G6PC2: variants seen among roughly 807,000 people sequenced by gnomAD.
G6PC2 encodes glucose-6-phosphatase 2.
G6PC2 carries 41 observed loss-of-function variants against 35.4 expected under a neutral mutation model. The ratio of observed to expected loss-of-function variants is 1.16; its 90% CI spans 0.90 to 1.50. The LOEUF (loss-of-function observed/expected upper bound fraction) is 1.50, where lower values mean the gene tolerates loss of function less well. Among genes scored for constraint, G6PC2 ranks in the 40% most tolerant of loss-of-function variants. G6PC2 has a pLI of 0.00. For synonymous variants in G6PC2, 165 were observed against 153.2 expected (o/e 1.08, Z -0.57); for missense variants, 441 against 426.5 (o/e 1.03, Z -0.30).
intron 4 of G6PC2, 56 bp from the exon 5 acceptor site, chr2:168,907,512 T>A: frequency 6.6e-7 from 1 of 1,525,190 alleles, no homozygotes; most frequent in Non-Finnish European, 9.1e-7. Flanking sequence ...AGAGGAATGA[T>A]CCTCGAGGGG....
In G6PC2 at chr2:168,908,136, A is replaced by G; in HGVS notation, c.*57A>G. ...AGATCACCCTTCTCCATCCACCAGTAGAGCCACAGAGTAGGCACAGACCAG... is the reference window on the plus strand; with the variant it reads ...AGATCACCCTTCTCCATCCACCAGTGGAGCCACAGAGTAGGCACAGACCAG... On this transcript the variant is annotated 3_prime_UTR_variant, in exon 5 of 5. Transcript: ENST00000375363. The G allele has an allele frequency of 1.4e-6, 2 of 1,396,786 alleles. No homozygotes were observed. Among genetic ancestry groups the G allele is most frequent in the East Asian group, 4.6e-5 (2 of 43,940 alleles). The allele number at this position is 1,396,786 out of a possible 1,614,324, so 86.5% of individuals were successfully genotyped here. A position where few individuals can be genotyped will look rare whatever the true frequency, so the allele number is the denominator to read the frequency against.
rs369755574 is a variant in G6PC2, at chr2:168,901,506, T to C, written c.175T>C (p.Trp59Arg). ...FNQTVGTKMI[W>R]VAVIGDWLNL... ...TCAGACAGTTGGAACCAAGATGATATGGGTAGCAGTCATTGGGGATTGGTT... is the reference window on the plus strand; with the variant it reads ...TCAGACAGTTGGAACCAAGATGATACGGGTAGCAGTCATTGGGGATTGGTT... The change falls in exon 1 of 5, where the codon TGG becomes CGG. Residue 59 changes from tryptophan (W) to arginine (R), a missense_variant. Physicochemically the swap from Trp to Arg is moderately radical, Grantham distance 101 (BLOSUM62 -3). Transcript: ENST00000375363. The C allele has an allele frequency of 1.9e-6, 3 of 1,589,354 alleles. No individual in the cohort carries two copies. In the Admixed American group the frequency reaches 5.0e-5, roughly 26 times the overall value.
Position 168,904,610 on chromosome 2 carries a change from T to C in G6PC2, c.434T>C (p.Leu145Pro). 6.4e-7 allele frequency: 1 copy of C among 1,550,942 alleles called. No homozygotes were observed. Among genetic ancestry groups the C allele is most frequent in the Non-Finnish European group, 8.9e-7 (1 of 1,122,236 alleles). ...GGGATGGATAAGTTCTCTATCACTC[T>C]GCACAGGTCAGCTTTGCTGCAGTTT... is the stretch of plus-strand genomic sequence containing the variant. ...VCGMDKFSIT[L>P]HRLTWSFLWS... is the part of the protein sequence containing the mutation. Residue 145 changes from leucine (L) to proline (P), a missense_variant, in exon 3 of 5, where the codon CTG becomes CCG. Physicochemically the swap from Leu to Pro is moderately conservative, Grantham distance 98 (BLOSUM62 -3). Coordinates refer to ENST00000375363, the MANE Select transcript of G6PC2 (RefSeq NM_021176.3).
In G6PC2 at chr2:168,906,345, T is replaced by A. The variant is rs549369493; in HGVS notation, c.441-319T>A. ...CTGGATATTAGTAATTCCCCCAAACTTGAATTTCCCCTACTCCATTAAAAC... is the reference window on the plus strand; with the variant it reads ...CTGGATATTAGTAATTCCCCCAAACATGAATTTCCCCTACTCCATTAAAAC... On this transcript the variant is annotated intron_variant, in intron 3 of 4. Transcript: ENST00000375363. 1.3e-5 allele frequency among the ~76,000 whole-genome samples: 2 copies of A among 152,290 alleles called. 1 individual carries two copies. The highest frequency in any genetic ancestry group is 4.1e-4 in the South Asian group (2 of 4,828).
rs143670077 is a variant in G6PC2 at position 168,901,390 on chromosome 2, G to A, written c.59G>A (p.Arg20Gln). The change falls in exon 1 of 5, where the codon CGA becomes CAA. Residue 20 changes from arginine to glutamine, a missense_variant. Arg to Gln is a conservative substitution (Grantham distance 43). Transcript: ENST00000375363. ...ATTCAGCATTTGCAGAAGGACTACC[G>A]AGCTTACTACACTTTTCTAAATTTT... is the stretch of plus-strand genomic sequence containing the variant. ...LIIQHLQKDY[R>Q]AYYTFLNFMS... 9 of 1,604,920 alleles carry A rather than the reference G, an allele frequency of 5.6e-6. No individual in the cohort carries two copies. Among genetic ancestry groups the A allele is most frequent in the East Asian group, 2.2e-5 (1 of 44,836 alleles).
chr2:168,907,647 C>G lies in G6PC2; in HGVS notation c.636C>G (p.Leu212=). Residue 212 remains leucine (L), a synonymous_variant, in exon 5 of 5, where the codon CTC becomes CTG. Coordinates refer to ENST00000375363, the MANE Select transcript of G6PC2 (RefSeq NM_021176.3). ...ASLGTYLKTN[L]FLFLFAVGFY... ...TGGGCACATACCTGAAGACCAACCT[C>G]TTTCTCTTCCTGTTTGCAGTTGGCT... The G allele has an allele frequency of 6.2e-7, 1 of 1,613,918 alleles. No individual in the cohort carries two copies. Among genetic ancestry groups the G allele is most frequent in the Non-Finnish European group, 8.5e-7 (1 of 1,179,826 alleles).
chr2:168,906,837 T>A, intron 4 of G6PC2, 58 bp downstream of exon 4: 1 of 895,474 alleles, frequency 1.1e-6, no homozygotes, highest in Non-Finnish European at 1.9e-6. Context: ...TTCATTATGT[T>A]TAAGGGTATC....
chr2:168,901,516 T>A lies in G6PC2; in HGVS notation c.185T>A (p.Val62Asp), dbSNP rs1324745655. 1 of 1,569,906 alleles carries A rather than the reference T, an allele frequency of 6.4e-7. No individual in the cohort carries two copies. Among genetic ancestry groups the A allele is most frequent in the East Asian group, 2.2e-5 (1 of 44,672 alleles). ...TVGTKMIWVAVIGDWLNLIFK... is the reference protein window; with the variant it reads ...TVGTKMIWVADIGDWLNLIFK... Reference sequence around the variant, plus strand: ...GGAACCAAGATGATATGGGTAGCAGTCATTGGGGATTGGTTAAATCTTATA... The same window carrying A: ...GGAACCAAGATGATATGGGTAGCAGACATTGGGGATTGGTTAAATCTTATA... Residue 62 changes from valine to aspartate, a missense_variant, in exon 1 of 5, where the codon GTC (valine) becomes GAC (aspartate). Transcript: ENST00000375363.
Position 168,907,947 on chromosome 2 carries a change from C to A in G6PC2, c.936C>A (p.Ile312=). Reference sequence around the variant, plus strand: ...TGCAGCTCTACCATTTCCTCCAGATCCCGACTCACGAAGAGCATTTATTTT... The same window carrying A: ...TGCAGCTCTACCATTTCCTCCAGATACCGACTCACGAAGAGCATTTATTTT... ...TILQLYHFLQ[I]PTHEEHLFYV... is the part of the protein sequence containing the mutation. Residue 312 remains isoleucine, a synonymous_variant, in exon 5 of 5, where the codon ATC becomes ATA. Transcript: ENST00000375363. 1 of 1,614,096 alleles carries A rather than the reference C, an allele frequency of 6.2e-7. No individual in the cohort carries two copies. Among genetic ancestry groups the A allele is most frequent in the Non-Finnish European group, 8.5e-7 (1 of 1,179,934 alleles).
Position 168,907,815 on chromosome 2 carries a change from C to T in G6PC2, c.804C>T (p.Gly268=). The T allele has an allele frequency of 3.1e-6, 5 of 1,614,082 alleles. No homozygotes were observed. Among genetic ancestry groups the T allele is most frequent in the Non-Finnish European group, 2.5e-6 (3 of 1,179,996 alleles). The change falls in exon 5 of 5, where the codon GGC becomes GGT. Residue 268 remains glycine (G), a synonymous_variant. Transcript: ENST00000375363. Reference sequence around the variant, plus strand: ...TGAGAAACCTTGGGGTCCTCTTTGGCTTGGGCTTTGCAATCAACTCAGAGA... The same window carrying T: ...TGAGAAACCTTGGGGTCCTCTTTGGTTTGGGCTTTGCAATCAACTCAGAGA... ...GLVRNLGVLF[G]LGFAINSEMF... is the part of the protein sequence containing the mutation.
In G6PC2 at chr2:168,906,744, A is replaced by C. The variant is rs1391787351; in HGVS notation, c.521A>C (p.His174Pro). Residue 174 changes from histidine to proline, a missense_variant, in exon 4 of 5, where the codon CAT (histidine) becomes CCT (proline). Coordinates refer to ENST00000375363, the MANE Select transcript of G6PC2 (RefSeq NM_021176.3). ...ATCTCCAGAGTATTCATAGCAACAC[A>C]TTTTCCTCATCAAGTTATTCTTGGA... ...VCISRVFIATHFPHQVILGVI... is the reference protein window; with the variant it reads ...VCISRVFIATPFPHQVILGVI... 1.3e-6 allele frequency: 2 copies of C among 1,590,174 alleles called. No homozygotes were observed. Among genetic ancestry groups the C allele is most frequent in the Non-Finnish European group, 1.7e-6 (2 of 1,158,242 alleles).
intron 2 of G6PC2, chr2:168,903,042 T>C (rs1690632605): frequency 2.3e-5 from 4 of 170,552 alleles, no homozygotes; most frequent in African/African-American, 9.6e-5. Context: ...TTTCTAACCC[T>C]AGAACAATCT....
chr2:168,905,465 A>G (rs1447737032), intron 3 of G6PC2, among the ~76,000 whole-genome samples: 2 of 152,146 alleles, frequency 1.3e-5, no homozygotes, highest in Non-Finnish European at 1.5e-5. Flanking sequence ...CAACTAAAGG[A>G]ATTTGGGTGT....
In G6PC2 at chr2:168,904,603, A is replaced by G. The variant is rs1690668933; in HGVS notation, c.427A>G (p.Ile143Val). 8 of 1,578,568 alleles carry G rather than the reference A, an allele frequency of 5.1e-6. No individual in the cohort carries two copies. Among genetic ancestry groups the G allele is most frequent in the Non-Finnish European group, 7.0e-6 (8 of 1,147,730 alleles). Residue 143 changes from isoleucine (I) to valine (V), a missense_variant, in exon 3 of 5, where the codon ATC becomes GTC. Ile to Val is a conservative substitution (Grantham distance 29, BLOSUM62 3). Coordinates refer to ENST00000375363, the MANE Select transcript of G6PC2 (RefSeq NM_021176.3). Reference sequence around the variant, plus strand: ...TGTCTGTGGGATGGATAAGTTCTCTATCACTCTGCACAGGTCAGCTTTGCT... The same window carrying G: ...TGTCTGTGGGATGGATAAGTTCTCTGTCACTCTGCACAGGTCAGCTTTGCT... The part of the protein sequence containing the change: ...HTVCGMDKFS[I>V]TLHRLTWSFL...
Position 168,904,393 on chromosome 2 carries a change from T to G in G6PC2, c.329-112T>G. 3 of 776,288 alleles carry G rather than the reference T, an allele frequency of 3.9e-6. No individual in the cohort carries two copies. The South Asian group carries it at 4.1e-5, about 10-fold the overall frequency. 48.1% of individuals were successfully genotyped at this position (776,288 alleles called of 1,614,324 possible). ...AACATTACATATAGCCTGTGTCTTG[T>G]CTTTTTTTCTGAGTTACTCATAATT... On this transcript the variant is annotated intron_variant, in intron 2 of 4. Coordinates refer to ENST00000375363, the MANE Select transcript of G6PC2 (RefSeq NM_021176.3).
rs1448004545 is a variant in G6PC2 at position 168,909,239 on chromosome 2, G to C, written c.*1160G>C. 4 of 152,186 alleles carry C rather than the reference G, an allele frequency of 2.6e-5. No homozygotes were observed. The highest frequency in any genetic ancestry group is 9.7e-5 in the African/African-American group (4 of 41,424). 9.4% of individuals were successfully genotyped at this position (152,186 alleles called of 1,614,324 possible). A position where few individuals can be genotyped will look rare whatever the true frequency, so the allele number is the denominator to read the frequency against. ...CACGGGTCCAGGGACAACAGAACAG[G>C]CCAGGCTACAGTATGGACTTGAACC... On this transcript the variant is annotated 3_prime_UTR_variant, in exon 5 of 5. Coordinates refer to ENST00000375363, the MANE Select transcript of G6PC2 (RefSeq NM_021176.3).
At position 168,909,356 on chromosome 2, in the gene G6PC2, C is replaced by T. The variant is rs1186828258; in HGVS notation, c.*1277C>T. 1.3e-5 allele frequency: 2 copies of T among 152,168 alleles called. No homozygotes were observed. Among genetic ancestry groups the T allele is most frequent in the Non-Finnish European group, 2.9e-5 (2 of 68,032 alleles). The allele number at this position is 152,168 out of a possible 1,614,324, so 9.4% of individuals were successfully genotyped here. A position where few individuals can be genotyped will look rare whatever the true frequency, so the allele number is the denominator to read the frequency against. On this transcript the variant is annotated 3_prime_UTR_variant, in exon 5 of 5. Coordinates refer to ENST00000375363, the MANE Select transcript of G6PC2 (RefSeq NM_021176.3). Reference sequence around the variant, plus strand: ...TTACTCTAATAGAACATTATTCAACCCCCAAAGACTTATCTCTTCACTATG... The same window carrying T: ...TTACTCTAATAGAACATTATTCAACTCCCAAAGACTTATCTCTTCACTATG...
rs768651839 is a variant in G6PC2, at chr2:168,906,745, T to C, written c.522T>C (p.His174=). 4.4e-6 allele frequency: 7 copies of C among 1,588,656 alleles called. No individual in the cohort carries two copies. The highest frequency in any genetic ancestry group is 1.7e-4 in the Middle Eastern group (1 of 6,014). Residue 174 remains histidine, a synonymous_variant, in exon 4 of 5, where the codon CAT becomes CAC. Transcript: ENST00000375363. ...VCISRVFIAT[H]FPHQVILGVI... is the part of the protein sequence containing the mutation. ...TCTCCAGAGTATTCATAGCAACACA[T>C]TTTCCTCATCAAGTTATTCTTGGAG...
chr2:168,901,633 A>G (rs942714300), intron 1 of G6PC2, 84 bp downstream of exon 1: 10 of 747,360 alleles, frequency 1.3e-5, no homozygotes, highest in African/African-American at 8.8e-5. Flanking sequence ...TTTCAGATGT[A>G]TATCGTTTTA....
Sources: allele counts gnomAD v4.1 joint callset (sites outside exome capture counted in the v4.1 genomes callset), GRCh38; gene constraint gnomAD v4.1.1; transcripts MANE v1.5; gene names NCBI Gene and HGNC (gene_info 2026-07-23, HGNC 2026-07-21).